The following USP18 variants were observed in gnomAD, a reference collection of about 807,000 sequenced individuals.
USP18 encodes the protein ubl carboxyl-terminal hydrolase 18.
A neutral mutation model predicts 48.7 loss-of-function variants in USP18; 11 were observed. The observed-to-expected ratio is 0.23, with a 90% CI of 0.14 to 0.37. The LOEUF (loss-of-function observed/expected upper bound fraction) is 0.37, where lower values mean the gene tolerates loss of function less well. Ranked by LOEUF, USP18 falls within the 10% of genes least tolerant of loss-of-function variation. USP18 has a pLI of 1.00. For missense variants in USP18, 285 were observed against 436.4 expected (o/e 0.65, Z 3.09); for synonymous variants, 114 against 163.2 (o/e 0.70, Z 2.30).
intron 4 of USP18, among the ~76,000 whole-genome samples, chr22:18,165,901 C>G (rs565734032): frequency 6.6e-6 from 1 of 151,662 alleles, no homozygotes; most frequent in South Asian, 2.1e-4. Context: ...TCACTCCCCC[C>G]ACCCCCACAA....
chr22:18,156,434 C>T (rs986433679), intron 1 of USP18, among the ~76,000 whole-genome samples: 1 of 152,330 alleles, frequency 6.6e-6, no homozygotes, highest in Non-Finnish European at 1.5e-5. Context: ...ACTGCTCACT[C>T]TTTGGGTCCA....
At position 18,174,828 on chromosome 22, in the gene USP18, T is replaced by C. The variant is rs183313175; in HGVS notation, c.1073+986T>C. ...CCAGGCTTGTCTCAAACTGCTGGGC[T>C]CAAGCCATCCATCCATTTCAGCCTG... On this transcript the variant is annotated intron_variant, in intron 10 of 10. Transcript: ENST00000215794. Among the ~76,000 whole-genome samples, 535 of 152,348 alleles carry C rather than the reference T, an allele frequency of 3.5e-3. 4 individuals carry two copies. Among genetic ancestry groups the C allele is most frequent in the African/African-American group, 0.012 (506 of 41,588 alleles).
Position 18,171,161 on chromosome 22 carries a change from C to T in USP18, c.891+241C>T, listed in dbSNP as rs565211282. ...AAATAATGTGGAATACATAGAAATG[C>T]ATAGGCAAACATGTCATTGTGGGTT... is the stretch of plus-strand genomic sequence containing the variant. On this transcript the variant is annotated intron_variant, in intron 8 of 10. Coordinates refer to ENST00000215794, the MANE Select transcript of USP18 (RefSeq NM_017414.4). Among the ~76,000 whole-genome samples, 128 of 52,108 alleles carry T rather than the reference C, an allele frequency of 2.5e-3. 3 individuals carry two copies. In the Admixed American group the frequency reaches 0.028, roughly 12 times the overall value. 34.2% of individuals were successfully genotyped at this position (52,108 alleles called of 152,430 possible). A position where few individuals can be genotyped will look rare whatever the true frequency, so the allele number is the denominator to read the frequency against.
chr22:18,153,785 T>G (rs1929059723), intron 1 of USP18, among the ~76,000 whole-genome samples: 1 of 152,098 alleles, frequency 6.6e-6, no homozygotes, highest in South Asian at 2.1e-4. Context: ...CTTTTTGAGC[T>G]TTCACATATG....
At chr22:18,171,695 A>G (rs1294929410) in intron 8 of USP18, among the ~76,000 whole-genome samples, 2 of 152,116 alleles carry the variant, frequency 1.3e-5, no homozygotes, top group Non-Finnish European at 2.9e-5. Context: ...TAGATTTGAA[A>G]TGCTACATAA....
intron 4 of USP18, among the ~76,000 whole-genome samples, chr22:18,163,748 G>A (rs779489868): frequency 1.4e-4 from 22 of 152,120 alleles, no homozygotes; most frequent in African/African-American, 4.3e-4. Flanking sequence ...TAGCCCTGCC[G>A]GACACTCGGA....
intron 1 of USP18, among the ~76,000 whole-genome samples, chr22:18,154,968 C>G (rs140976991): frequency 6.6e-6 from 1 of 152,338 alleles, no homozygotes; most frequent in African/African-American, 2.4e-5. Flanking sequence ...AAGCCCATGA[C>G]TGCTTCAGCT....
At chr22:18,175,217 T>C (rs1929751970) in intron 10 of USP18, among the ~76,000 whole-genome samples, 1 of 152,146 alleles carries the variant, frequency 6.6e-6, no homozygotes, top group Non-Finnish European at 1.5e-5. Flanking sequence ...ATTTTTATAA[T>C]CATTAACTAC....
At chr22:18,151,726 T>G (rs2123723733) in intron 1 of USP18, among the ~76,000 whole-genome samples, 1 of 152,168 alleles carries the variant, frequency 6.6e-6, no homozygotes, top group Admixed American at 6.5e-5. Context: ...AGTGTTGTAA[T>G]CCGTGTGTTC....
At chr22:18,151,967 T>G (rs889738451) in intron 1 of USP18, among the ~76,000 whole-genome samples, 1 of 151,938 alleles carries the variant, frequency 6.6e-6, no homozygotes, top group Non-Finnish European at 1.5e-5. Flanking sequence ...GGCAGGAGAA[T>G]GGCGTGAACC....
In USP18 at chr22:18,167,328, G is replaced by A. The variant is rs1161428510; in HGVS notation, c.474G>A (p.Val158=). ...WNLIKDQITD[V]HLVERLQALY... ...TGATTAAGGACCAGATCACTGATGT[G>A]CACTTGGTAAGAACCTAGAACCAGA... The change falls in exon 5 of 11, where the codon GTG becomes GTA. Residue 158 remains valine, a synonymous_variant. Coordinates refer to ENST00000215794, the MANE Select transcript of USP18 (RefSeq NM_017414.4). The A allele has an allele frequency of 6.2e-7, 1 of 1,613,814 alleles. No individual in the cohort carries two copies. Among genetic ancestry groups the A allele is most frequent in the Non-Finnish European group, 8.5e-7 (1 of 1,179,806 alleles).
At chr22:18,169,735 A>C in intron 6 of USP18, 109 bp from the exon 7 acceptor site, 3 of 1,308,492 alleles carry the variant, frequency 2.3e-6, no homozygotes. Flanking sequence ...TTTCTTATAA[A>C]TTACCCAGTC....
intron 5 of USP18, 79 bp downstream of exon 5, chr22:18,167,413 G>A (rs1040245464): frequency 2.5e-5 from 38 of 1,541,258 alleles, no homozygotes; most frequent in Middle Eastern, 3.5e-4. Context: ...CCCGTAGTGT[G>A]TAGAGGAATA....
intron 4 of USP18, among the ~76,000 whole-genome samples, chr22:18,164,510 A>G (rs1929422206): frequency 6.6e-6 from 1 of 151,822 alleles, no homozygotes; most frequent in South Asian, 2.1e-4. Context: ...GGGAGAAGGC[A>G]TGGGACTTGC....
Position 18,166,999 on chromosome 22 carries a change from G to C in USP18, c.401-256G>C, listed in dbSNP as rs1257031349. The stretch of plus-strand genomic sequence containing the variant: ...AGCGATCCTCCCACCTTGGCCTCCC[G>C]AAGTGTTAAGATTATAGGCATGAGC... On this transcript the variant is annotated intron_variant, in intron 4 of 10. Transcript: ENST00000215794. Among the ~76,000 whole-genome samples the C allele has an allele frequency of 2.0e-5, 3 of 151,976 alleles. No homozygotes were observed. In the East Asian group the frequency reaches 5.8e-4, roughly 29 times the overall value.
chr22:18,173,373 G>A (rs1472447957), intron 9 of USP18, 92 bp downstream of exon 9: 1 of 1,554,308 alleles, frequency 6.4e-7, no homozygotes, highest in Admixed American at 1.8e-5. Context: ...CTGAGATCAA[G>A]ACACACTGTG....
At chr22:18,157,912 A>C (rs976647310) in intron 2 of USP18, 92 bp downstream of exon 2, 4 of 1,519,926 alleles carry the variant, frequency 2.6e-6, no homozygotes, top group African/African-American at 1.4e-5. Context: ...TTTGTATTCG[A>C]CGGCTCATGC....
intron 2 of USP18, among the ~76,000 whole-genome samples, chr22:18,158,746 G>C (rs1929237339): frequency 2.0e-5 from 3 of 152,180 alleles, no homozygotes; most frequent in Admixed American, 1.3e-4. Flanking sequence ...CTTCCCCAAA[G>C]TAACCTTCTG....
intron 4 of USP18, among the ~76,000 whole-genome samples, chr22:18,163,991 A>G (rs1929402985): frequency 2.6e-5 from 4 of 152,264 alleles, no homozygotes; most frequent in Admixed American, 2.6e-4. Flanking sequence ...AACGCTGGAC[A>G]GAGGATCTGT....
Sources: gnomAD v4.1 joint callset for allele counts (sites outside exome capture counted in the v4.1 genomes callset) on GRCh38, gnomAD v4.1.1 for gene constraint, MANE v1.5 for transcripts, NCBI Gene and HGNC (gene_info 2026-07-23, HGNC 2026-07-21) for gene names.